The following DIAPH2 variants were observed in gnomAD, a reference collection of about 807,000 sequenced individuals.
DIAPH2 encodes the protein protein diaphanous homolog 2.
Under a neutral mutation model 92.7 loss-of-function variants are expected in DIAPH2, and 35 were observed. The observed-to-expected ratio is 0.38, with a 90% CI of 0.29 to 0.50. DIAPH2 has a LOEUF of 0.50. Among genes scored for constraint, DIAPH2 ranks in the 20% least tolerant of loss-of-function variants. The pLI is 0.94. For synonymous variants in DIAPH2, 301 were observed against 280.4 expected (o/e 1.07, Z -0.73); for missense variants, 701 against 819.5 (o/e 0.86, Z 1.77).
At chrX:97,355,582 A>G (rs913038645) in intron 24 of DIAPH2, among the ~76,000 whole-genome samples, 2 of 111,325 alleles carry the variant, frequency 1.8e-5, no homozygotes, top group Non-Finnish European at 3.8e-5. Flanking sequence ...TGCCAGTAAA[A>G]TGGTAATATT....
chrX:97,516,170 G>A (rs913947132), intron 26 of DIAPH2, among the ~76,000 whole-genome samples: 2 of 110,083 alleles, frequency 1.8e-5, no homozygotes, highest in East Asian at 2.9e-4. Flanking sequence ...CAGGAGAATC[G>A]CTGGAACCCG....
intron 4 of DIAPH2, among the ~76,000 whole-genome samples, chrX:96,867,080 C>G (rs2065109091): frequency 8.9e-6 from 1 of 111,956 alleles, no homozygotes; most frequent in Non-Finnish European, 1.9e-5. Context: ...ACTGCTGTTT[C>G]TATTGGCATA....
At position 97,444,098 on chromosome X, in the gene DIAPH2, C is replaced by T. The variant is rs144120459; in HGVS notation, c.3241+14353C>T. 2.9e-3 allele frequency among the ~76,000 whole-genome samples: 324 copies of T among 111,556 alleles called. 1 individual carries two copies. The highest frequency in any genetic ancestry group is 8.5e-3 in the African/African-American group (261 of 30,767). On this transcript the variant is annotated intron_variant, in intron 26 of 26. Transcript: ENST00000324765. The stretch of plus-strand genomic sequence containing the variant: ...CGTTTAAGGGTTTTATTCAGTTCTA[C>T]GTAATAGTATGTAAGACTGTTATAA...
Position 96,916,423 on chromosome X carries a change from T to TG in DIAPH2, c.733-15_733-14insG, listed in dbSNP as rs773889494. 62 of 1,077,409 alleles carry TG rather than the reference T, an allele frequency of 5.8e-5. No individual in the cohort carries two copies. The highest frequency in any genetic ancestry group is 2.3e-4 in the African/African-American group (12 of 51,312). 88.8% of individuals were successfully genotyped at this position (1,077,409 alleles called of 1,213,427 possible). A position where few individuals can be genotyped will look rare whatever the true frequency, so the allele number is the denominator to read the frequency against. Reference sequence around the variant, plus strand: ...ATAGACATTCTGAATGAAGGTTTTTTTTTTTTTTTTTTAGTTTGGATTACA... The same window carrying TG: ...ATAGACATTCTGAATGAAGGTTTTTTGTTTTTTTTTTTTAGTTTGGATTACA... On this transcript the variant is annotated splice_polypyrimidine_tract_variant and intron_variant, in intron 7 of 26. Coordinates refer to ENST00000324765, the MANE Select transcript of DIAPH2 (RefSeq NM_006729.5).
intron 26 of DIAPH2, among the ~76,000 whole-genome samples, chrX:97,588,004 G>T (rs903441480): frequency 1.8e-5 from 2 of 111,702 alleles, no homozygotes; most frequent in Non-Finnish European, 3.8e-5. Flanking sequence ...ACGCTAAATT[G>T]TGACTATCCA....
intron 23 of DIAPH2, among the ~76,000 whole-genome samples, chrX:97,310,566 G>A (rs555409286): frequency 1.3e-4 from 15 of 111,230 alleles, no homozygotes; most frequent in South Asian, 1.1e-3. Flanking sequence ...CAAAGACCCT[G>A]AGGCAAAAAG....
rs2071609392 is a variant in DIAPH2, at chrX:97,604,344, TC to T, written c.*5029del. 8.9e-6 allele frequency: 1 copy of T among 112,411 alleles called. No homozygotes were observed. Among genetic ancestry groups the T allele is most frequent in the Non-Finnish European group, 1.9e-5 (1 of 53,229 alleles). 9.3% of individuals were successfully genotyped at this position (112,411 alleles called of 1,213,427 possible). A position where few individuals can be genotyped will look rare whatever the true frequency, so the allele number is the denominator to read the frequency against. On this transcript the variant is annotated 3_prime_UTR_variant, in exon 27 of 27. Coordinates refer to ENST00000324765, the MANE Select transcript of DIAPH2 (RefSeq NM_006729.5). The stretch of plus-strand genomic sequence containing the variant: ...TAATTATATCTGAAAGGACCTTTTT[TC>T]CAAATAAGGTACTATCACAGGTTCC...
chrX:96,843,247 A>G (rs1477481073), intron 4 of DIAPH2, among the ~76,000 whole-genome samples: 1 of 111,589 alleles, frequency 9.0e-6, no homozygotes, highest in Non-Finnish European at 1.9e-5. Context: ...GCCTTCCACC[A>G]TGATTGTAAG....
intron 4 of DIAPH2, among the ~76,000 whole-genome samples, chrX:96,762,512 A>G (rs913421888): frequency 2.7e-5 from 3 of 111,195 alleles, no homozygotes; most frequent in Non-Finnish European, 5.7e-5. Context: ...ACAGTATCGT[A>G]CACCTTAAAT....
chrX:96,912,790 T>TA (rs1193040908), intron 7 of DIAPH2, among the ~76,000 whole-genome samples: 1 of 110,924 alleles, frequency 9.0e-6, no homozygotes. Context: ...ACCTATTTTT[T>TA]ACTTATGTTT....
At chrX:96,791,226 T>G (rs375776259) in intron 4 of DIAPH2, among the ~76,000 whole-genome samples, 5 of 111,890 alleles carry the variant, frequency 4.5e-5, no homozygotes, top group East Asian at 2.8e-4. Context: ...AAATATTTAG[T>G]AAAGTTTGGA....
chrX:96,717,181 G>C (rs1221646821), intron 1 of DIAPH2, among the ~76,000 whole-genome samples: 1 of 112,228 alleles, frequency 8.9e-6, no homozygotes, highest in Non-Finnish European at 1.9e-5. Flanking sequence ...GCTGTGGTCA[G>C]AAAATATACT....
At chrX:97,438,429 G>C (rs185199386) in intron 26 of DIAPH2, among the ~76,000 whole-genome samples, 1,423 of 95,736 alleles carry the variant, frequency 0.015, 13 homozygotes, top group Non-Finnish European at 0.024. Flanking sequence ...GCAGTGGTGC[G>C]ATCACCACTC....
chrX:97,407,472 G>A (rs2069821514), intron 25 of DIAPH2, among the ~76,000 whole-genome samples: 1 of 111,468 alleles, frequency 9.0e-6, no homozygotes, highest in Non-Finnish European at 1.9e-5. Flanking sequence ...GCTATCTATT[G>A]AGTAAGTGCC....
chrX:97,577,180 A>T (rs2071404543), intron 26 of DIAPH2, among the ~76,000 whole-genome samples: 1 of 112,225 alleles, frequency 8.9e-6, no homozygotes, highest in Admixed American at 9.5e-5. Context: ...AAAGATTCAC[A>T]GTTAGACCCA....
At chrX:96,728,046 AAAAAAAAAAAG>A (rs1433366338) in intron 1 of DIAPH2, among the ~76,000 whole-genome samples, 1 of 49,513 alleles carries the variant, frequency 2.0e-5, no homozygotes, top group African/African-American at 1.2e-4. Context: ...TCCGTCTCAA[AAAAAAAAAAAG>A]AAAAAAAAAA....
At chrX:96,897,337 T>G (rs1362566553) in intron 5 of DIAPH2, among the ~76,000 whole-genome samples, 1 of 110,653 alleles carries the variant, frequency 9.0e-6, no homozygotes, top group Non-Finnish European at 1.9e-5. Flanking sequence ...CCTCCCAACA[T>G]CCGCCCACTT....
intron 4 of DIAPH2, among the ~76,000 whole-genome samples, chrX:96,806,646 C>CAAAAAAAAAAAAAAAAAAAAA (rs1234663626): frequency 2.9e-5 from 1 of 34,442 alleles, no homozygotes; most frequent in Non-Finnish European, 4.4e-5. Context: ...AACTCCATCT[C>CAAAAAAAAAAAAAAAAAAAAA]AAAAAAAAAA....
chrX:96,831,491 A>T (rs184089983), intron 4 of DIAPH2, among the ~76,000 whole-genome samples: 407 of 111,833 alleles, frequency 3.6e-3, no homozygotes, highest in African/African-American at 0.012. Flanking sequence ...TTCACTTTTT[A>T]AAAAAAATCT....
Sources: allele counts gnomAD v4.1 joint callset (sites outside exome capture counted in the v4.1 genomes callset), GRCh38; gene constraint gnomAD v4.1.1; transcripts MANE v1.5; gene names NCBI Gene and HGNC (gene_info 2026-07-23, HGNC 2026-07-21).